The following SLC14A2 variants were observed in gnomAD, a reference collection of about 807,000 sequenced individuals.
SLC14A2 encodes urea transporter 2.
SLC14A2 carries 91 observed loss-of-function variants against 104.6 expected under a neutral mutation model. The ratio of observed to expected loss-of-function variants is 0.87; its 90% CI spans 0.73 to 1.04. SLC14A2 has a LOEUF of 1.04. SLC14A2 is among the 50% of genes least tolerant of loss of function. The pLI is 0.00. For missense variants in SLC14A2, 1,189 were observed against 1,156.0 expected (o/e 1.03, Z -0.41); for synonymous variants, 476 against 466.4 (o/e 1.02, Z -0.27).
chr18:45,551,399 A>G (rs1340688489), intron 2 of SLC14A2, among the ~76,000 whole-genome samples: 1 of 152,252 alleles, frequency 6.6e-6, no homozygotes, highest in Non-Finnish European at 1.5e-5. Context: ...CTCAAAGCGC[A>G]GAGCTGCAGC....
At chr18:45,191,213 T>C in the SLC14A2 span, among the ~76,000 whole-genome samples, 1 of 152,142 alleles carries the variant, frequency 6.6e-6, no homozygotes, top group South Asian at 2.1e-4. Context: ...CTGTGCCCTG[T>C]TGAGGTCATG....
At chr18:45,295,772 A>G (rs982663385) in intron 1 of SLC14A2, among the ~76,000 whole-genome samples, 4 of 152,200 alleles carry the variant, frequency 2.6e-5, no homozygotes, top group Non-Finnish European at 4.4e-5. Context: ...CCCAGAAGTG[A>G]GTGAAAGACT....
chr18:45,307,406 A>G (rs1324630823), intron 1 of SLC14A2, among the ~76,000 whole-genome samples: 2 of 144,462 alleles, frequency 1.4e-5, no homozygotes, highest in African/African-American at 5.2e-5. Flanking sequence ...TGACAGAGTG[A>G]GACTCCATCT....
At chr18:45,651,511 T>G (rs547198957) in intron 10 of SLC14A2, among the ~76,000 whole-genome samples, 1 of 152,242 alleles carries the variant, frequency 6.6e-6, no homozygotes, top group African/African-American at 2.4e-5. Context: ...AAATGGACTT[T>G]GAATCAGTGG....
chr18:45,563,716 A>G (rs1044617968), intron 2 of SLC14A2, among the ~76,000 whole-genome samples: 3 of 152,254 alleles, frequency 2.0e-5, no homozygotes, highest in Non-Finnish European at 2.9e-5. Flanking sequence ...TTAAATGACT[A>G]TAATTTTTCA....
At chr18:45,574,771 G>T (rs1470798585) in intron 2 of SLC14A2, among the ~76,000 whole-genome samples, 1 of 152,160 alleles carries the variant, frequency 6.6e-6, no homozygotes, top group Non-Finnish European at 1.5e-5. Flanking sequence ...AGAATTCTCA[G>T]CTTTCTGTAG....
At chr18:45,301,039 T>C (rs12455689) in intron 1 of SLC14A2, among the ~76,000 whole-genome samples, 26,856 of 152,232 alleles carry the variant, frequency 0.18, 2,405 homozygotes, top group South Asian at 0.2. Flanking sequence ...AAGTAGATGA[T>C]GATGCGACTT....
chr18:45,592,077 C>A (rs1401195358), intron 2 of SLC14A2, among the ~76,000 whole-genome samples: 1 of 152,178 alleles, frequency 6.6e-6, no homozygotes, highest in East Asian at 1.9e-4. Flanking sequence ...TCACTGGGGT[C>A]AAGAAGAGTC....
intron 1 of SLC14A2, among the ~76,000 whole-genome samples, chr18:45,286,789 T>A (rs1328196767): frequency 6.6e-6 from 1 of 152,124 alleles, no homozygotes; most frequent in Non-Finnish European, 1.5e-5. Context: ...TAAATGCTCA[T>A]AGATGTTATG....
chr18:45,304,038 G>T (rs920767905), intron 1 of SLC14A2, among the ~76,000 whole-genome samples: 1 of 152,124 alleles, frequency 6.6e-6, no homozygotes, highest in Non-Finnish European at 1.5e-5. Context: ...CAATATTCAG[G>T]GTTTATATTA....
intron 2 of SLC14A2, chr18:45,485,456 G>GGA (rs1342758399): frequency 6.6e-6 from 1 of 152,154 alleles, no homozygotes; most frequent in African/African-American, 2.4e-5. Context: ...GGGTTGGTGA[G>GGA]GAGGAGCAAA....
intron 1 of SLC14A2, among the ~76,000 whole-genome samples, chr18:45,274,632 G>T (rs1256779439): frequency 6.6e-6 from 1 of 152,238 alleles, no homozygotes; most frequent in Non-Finnish European, 1.5e-5. Context: ...GCAGGATACT[G>T]CCAGTCAACA....
intron 10 of SLC14A2, among the ~76,000 whole-genome samples, chr18:45,651,871 A>T (rs957363753): frequency 6.6e-6 from 1 of 152,238 alleles, no homozygotes; most frequent in African/African-American, 2.4e-5. Context: ...AATGCTCAAC[A>T]TGGTTGCTTA....
chr18:45,597,518 C>T (rs563389924), intron 2 of SLC14A2, among the ~76,000 whole-genome samples: 20 of 152,124 alleles, frequency 1.3e-4, no homozygotes, highest in African/African-American at 4.1e-4. Context: ...TTGGGGAAAA[C>T]GGTAACTAAA....
At chr18:45,315,612 C>G (rs2085121580) in intron 1 of SLC14A2, among the ~76,000 whole-genome samples, 1 of 152,116 alleles carries the variant, frequency 6.6e-6, no homozygotes, top group Non-Finnish European at 1.5e-5. Flanking sequence ...CATCCCATCC[C>G]ATGGCCCAGT....
intron 2 of SLC14A2, among the ~76,000 whole-genome samples, chr18:45,572,742 T>C (rs947573678): frequency 3.0e-4 from 45 of 152,212 alleles, no homozygotes; most frequent in African/African-American, 1.0e-3. Flanking sequence ...ACTTCAGGTA[T>C]ACTCATTCTA....
chr18:45,677,762 G>A (rs550374109), intron 18 of SLC14A2, among the ~76,000 whole-genome samples: 9 of 152,170 alleles, frequency 5.9e-5, no homozygotes, highest in Non-Finnish European at 1.3e-4. Context: ...CCCATTGACA[G>A]CCCCACATTC....
rs558279678 is a variant in SLC14A2, at chr18:45,475,315, T to G, written c.-124-7918T>G. On this transcript the variant is annotated intron_variant, in intron 1 of 20. Transcript: ENST00000586448. The stretch of plus-strand genomic sequence containing the variant: ...ATTATGTGGTCAATTTTAGAATAAG[T>G]GCGATGTGGTGTTGAGAAGAATGTA... Among the ~76,000 whole-genome samples, 11 of 152,036 alleles carry G rather than the reference T, an allele frequency of 7.2e-5. No individual in the cohort carries two copies. The East Asian group carries it at 2.1e-3, about 29-fold the overall frequency.
chr18:45,608,509 G>A (rs560741183), intron 2 of SLC14A2, among the ~76,000 whole-genome samples: 18 of 152,296 alleles, frequency 1.2e-4, no homozygotes, highest in Admixed American at 3.3e-4. Context: ...TGCTATGACC[G>A]TCCCAGTGCG....
Sources: allele counts gnomAD v4.1 joint callset (sites outside exome capture counted in the v4.1 genomes callset), GRCh38; gene constraint gnomAD v4.1.1; transcripts MANE v1.5; gene names NCBI Gene and HGNC (gene_info 2026-07-23, HGNC 2026-07-21).